CWH43: variants seen among roughly 807,000 people sequenced by gnomAD.
The protein encoded by CWH43 is PGAP2-interacting protein.
In CWH43, 91 loss-of-function variants were observed where a neutral mutation model predicts 85.7. The observed-to-expected ratio is 1.06, with a 90% CI of 0.90 to 1.26. CWH43 has a LOEUF of 1.26. Among genes scored for constraint, CWH43 ranks in the 50% most tolerant of loss-of-function variants. CWH43 has a pLI of 0.00. For missense variants in CWH43, 869 were observed against 839.2 expected (o/e 1.04, Z -0.44); for synonymous variants, 323 against 293.6 (o/e 1.10, Z -1.02).
intron 8 of CWH43, among the ~76,000 whole-genome samples, chr4:49,008,689 A>G (rs938348997): frequency 1.3e-5 from 2 of 152,200 alleles, no homozygotes; most frequent in Non-Finnish European, 2.9e-5. Context: ...AGCTTTCTCC[A>G]TATGGCTAGC....
At chr4:49,049,963 A>G (rs1483242737) in intron 14 of CWH43, among the ~76,000 whole-genome samples, 1 of 152,222 alleles carries the variant, frequency 6.6e-6, no homozygotes, top group Non-Finnish European at 1.5e-5. Context: ...CCATGAGGGC[A>G]AGGACTTCAT....
intron 7 of CWH43, among the ~76,000 whole-genome samples, chr4:49,004,951 T>C (rs4695419): frequency 0.63 from 95,061 of 151,938 alleles, 31,884 homozygotes; most frequent in Middle Eastern, 0.8. Flanking sequence ...TGGTGTATAC[T>C]AGGCATACAT....
At chr4:49,050,473 T>G (rs562133872) in intron 14 of CWH43, among the ~76,000 whole-genome samples, 1 of 152,276 alleles carries the variant, frequency 6.6e-6, no homozygotes, top group African/African-American at 2.4e-5. Context: ...CTAAGAATAG[T>G]TACTTAATTA....
At chr4:48,987,028 A>G (rs1782517513) in intron 1 of CWH43, among the ~76,000 whole-genome samples, 1 of 152,200 alleles carries the variant, frequency 6.6e-6, no homozygotes, top group African/African-American at 2.4e-5. Context: ...CCAGCTTTGC[A>G]AAATCCCGAG....
At chr4:49,030,727 A>G (rs1388852625) in intron 10 of CWH43, 98 bp from the exon 11 acceptor site, 1 of 1,202,482 alleles carries the variant, frequency 8.3e-7, no homozygotes, top group Non-Finnish European at 1.1e-6. Context: ...GTTTATCAGT[A>G]AAGAAAAAAA....
intron 5 of CWH43, 128 bp from the exon 6 acceptor site, chr4:48,998,332 C>T: frequency 1.5e-6 from 1 of 671,028 alleles, no homozygotes; most frequent in Admixed American, 2.4e-5. Context: ...CTCTCATGAT[C>T]TCACTGGTTG....
rs1783072907 is a variant in CWH43 at position 49,003,895 on chromosome 4, A to G, written c.963A>G (p.Ile321Met). ...NPGKTMTIAM[I>M]FYLLEIFFCA... ...GGAAAACCATGACCATTGCCATGAT[A>G]TTTTATCTTCTAGAAATATTTTTCT... Residue 321 changes from isoleucine (I) to methionine (M), a missense_variant, in exon 7 of 16, where the codon ATA becomes ATG. Physicochemically the swap from Ile to Met is conservative, Grantham distance 10 (BLOSUM62 1). Around this residue, in one of 3 missense-constraint regions of CWH43, gnomAD observed 577 missense variants for 513.1 expected, o/e 1.12. Coordinates refer to ENST00000226432, the MANE Select transcript of CWH43 (RefSeq NM_025087.3). 1 of 1,613,768 alleles carries G rather than the reference A, an allele frequency of 6.2e-7. No homozygotes were observed. Among genetic ancestry groups the G allele is most frequent in the Admixed American group, 1.7e-5 (1 of 59,948 alleles).
intron 14 of CWH43, among the ~76,000 whole-genome samples, chr4:49,046,169 C>T (rs1190086558): frequency 2.0e-5 from 3 of 152,120 alleles, no homozygotes; most frequent in Admixed American, 6.6e-5. Flanking sequence ...TGACACATGA[C>T]TGTATACATA....
intron 15 of CWH43, among the ~76,000 whole-genome samples, chr4:49,055,664 A>G (rs1237330525): frequency 1.3e-5 from 2 of 150,610 alleles, no homozygotes; most frequent in Non-Finnish European, 2.9e-5. Context: ...ATCTCAGCTT[A>G]CTGCAACTTC....
At chr4:49,031,494 T>C (rs1047902189) in intron 11 of CWH43, among the ~76,000 whole-genome samples, 11 of 127,512 alleles carry the variant, frequency 8.6e-5, no homozygotes, top group African/African-American at 2.8e-4. Context: ...AGGATCCATC[T>C]TGGTGTGCCT....
intron 2 of CWH43, among the ~76,000 whole-genome samples, chr4:48,990,099 G>C (rs1782611481): frequency 6.6e-6 from 1 of 152,162 alleles, no homozygotes; most frequent in Admixed American, 6.5e-5. Context: ...TACTGGGACA[G>C]TTTCCATTAC....
At chr4:49,009,032 G>C (rs1230477694) in intron 8 of CWH43, among the ~76,000 whole-genome samples, 1 of 152,146 alleles carries the variant, frequency 6.6e-6, no homozygotes, top group Non-Finnish European at 1.5e-5. Context: ...GTGACTTGAT[G>C]GGGATGGCAT....
intron 13 of CWH43, among the ~76,000 whole-genome samples, chr4:49,039,347 ATAC>A (rs1329430860): frequency 1.0e-5 from 1 of 100,126 alleles, no homozygotes; most frequent in Non-Finnish European, 2.1e-5. Flanking sequence ...ATGTATATAT[ATAC>A]TGATATATAT....
intron 14 of CWH43, among the ~76,000 whole-genome samples, chr4:49,047,855 G>T (rs1784675418): frequency 6.6e-6 from 1 of 152,144 alleles, no homozygotes; most frequent in Admixed American, 6.6e-5. Flanking sequence ...GCTTACTGAG[G>T]TGGGCCAAGG....
rs1782681586 is a variant in CWH43, at chr4:48,992,224, AAAT to A, written c.511+141_511+143del. On this transcript the variant is annotated intron_variant, in intron 4 of 15. Transcript: ENST00000226432. The surrounding 1 kb of genome is among the most constrained non-coding windows in gnomAD (Gnocchi z 4.3). The stretch of plus-strand genomic sequence containing the variant: ...TATATTTCAGCTTTTTCTTCCTCTG[AAAT>A]AATAATTGGTGCAGCCAGTGGGCTA... The A allele has an allele frequency of 2.6e-6, 2 of 783,540 alleles. No homozygotes were observed. The highest frequency in any genetic ancestry group is 2.7e-5 in the East Asian group (1 of 37,530). 48.5% of individuals were successfully genotyped at this position (783,540 alleles called of 1,614,324 possible). A position where few individuals can be genotyped will look rare whatever the true frequency, so the allele number is the denominator to read the frequency against.
At chr4:49,008,940 AT>A (rs1783257910) in intron 8 of CWH43, among the ~76,000 whole-genome samples, 1 of 152,006 alleles carries the variant, frequency 6.6e-6, no homozygotes, top group African/African-American at 2.4e-5. Context: ...TTTGCCTAGG[AT>A]TGTCCTGGCT....
intron 10 of CWH43, among the ~76,000 whole-genome samples, chr4:49,029,873 T>A (rs982581432): frequency 5.9e-5 from 9 of 152,226 alleles, no homozygotes; most frequent in Non-Finnish European, 1.2e-4. Flanking sequence ...TATCACCTTG[T>A]TCTCCTGCTG....
At chr4:49,017,011 C>T (rs931142067) in intron 8 of CWH43, 25 of 770,426 alleles carry the variant, frequency 3.2e-5, no homozygotes, top group Admixed American at 2.8e-4. Flanking sequence ...TGGGTGAAGT[C>T]GATATAGGCA....
intron 13 of CWH43, among the ~76,000 whole-genome samples, chr4:49,039,974 C>A (rs1784406189): frequency 6.6e-6 from 1 of 151,982 alleles, no homozygotes; most frequent in South Asian, 2.1e-4. Context: ...CAGTTCCCAC[C>A]AATGAGTGAG....
Sources: gnomAD v4.1 joint callset for allele counts (sites outside exome capture counted in the v4.1 genomes callset) on GRCh38, gnomAD v4.1.1 for gene constraint, gnomAD v4.1.1 regional missense constraint, Gnocchi (gnomAD v3.1) non-coding constraint, MANE v1.5 for transcripts, NCBI Gene and HGNC (gene_info 2026-07-23, HGNC 2026-07-21) for gene names.